The following PLSCR1 variants were observed in gnomAD, a reference collection of about 807,000 sequenced individuals.
PLSCR1 encodes PL scramblase 1.
PLSCR1 carries 17 observed loss-of-function variants against 37.8 expected under a neutral mutation model. That is an observed-to-expected ratio of 0.45 (90% CI 0.31 to 0.68). The LOEUF (loss-of-function observed/expected upper bound fraction) is 0.68. Among genes scored for constraint, PLSCR1 ranks in the 30% least tolerant of loss-of-function variants. The probability of loss-of-function intolerance (pLI) is 0.06; values close to 1 mark genes in which losing one functional copy is unlikely to be tolerated. For missense variants in PLSCR1, 347 were observed against 380.9 expected, an observed-to-expected ratio of 0.91 and a Z score of 0.74; for synonymous variants, 116 against 125.9, an observed-to-expected ratio of 0.92 and a Z score of 0.53.
chr3:146,521,796 A>T (rs917830392), intron 6 of PLSCR1, 37 bp downstream of exon 6: 2 of 1,581,940 alleles, frequency 1.3e-6, no homozygotes, highest in Non-Finnish European at 8.7e-7. Flanking sequence ...TTCTTGCTGA[A>T]CTATTTTACA....
intron 1 of PLSCR1, among the ~76,000 whole-genome samples, chr3:146,537,318 A>T (rs1015483593): frequency 6.6e-6 from 1 of 151,942 alleles, no homozygotes; most frequent in Non-Finnish European, 1.5e-5. Flanking sequence ...TACTTTTTCC[A>T]TCTCCTGTAG....
At chr3:146,529,516 ATT>A (rs111660673) in intron 3 of PLSCR1, among the ~76,000 whole-genome samples, 5 of 141,998 alleles carry the variant, frequency 3.5e-5, no homozygotes, top group Non-Finnish European at 3.1e-5. Context: ...CTTTCTTTCC[ATT>A]TTTTTTTTTT....
At chr3:146,528,349 A>T in intron 4 of PLSCR1, 1 of 467,456 alleles carries the variant, frequency 2.1e-6, no homozygotes, top group Non-Finnish European at 3.9e-6. Context: ...CAGGCATACA[A>T]CAAAGGCAGG....
In PLSCR1 at chr3:146,522,013, C is replaced by A; in HGVS notation, c.396G>T (p.Lys132Asn). 1 of 1,611,892 alleles carries A rather than the reference C, an allele frequency of 6.2e-7. No individual in the cohort carries two copies. Among genetic ancestry groups the A allele is most frequent in the Non-Finnish European group, 8.5e-7 (1 of 1,177,978 alleles). The change falls in exon 6 of 9, where the codon AAG becomes AAT. Residue 132 changes from lysine to asparagine, a missense_variant. Coordinates refer to ENST00000342435, the MANE Select transcript of PLSCR1 (RefSeq NM_021105.3). ...GFETNNKYEI[K>N]NSFGQRVYFA... ...AGTAAACCCTCTGTCCAAAGCTGTT[C>A]TTAATTTCATATTTGTTATTAGTTT...
intron 5 of PLSCR1, 132 bp downstream of exon 5, chr3:146,525,473 A>G: frequency 1.6e-6 from 1 of 606,172 alleles, no homozygotes. Context: ...TGCTGATAAC[A>G]TTTATTATTG....
In PLSCR1 at chr3:146,516,096, G is replaced by T; in HGVS notation, c.906C>A (p.Phe302Leu). 1 of 1,603,170 alleles carries T rather than the reference G, an allele frequency of 6.2e-7. No homozygotes were observed. The highest frequency in any genetic ancestry group is 8.5e-7 in the Non-Finnish European group (1 of 1,171,632). The change falls in exon 9 of 9, where the codon TTC (phenylalanine) becomes TTA (leucine). Residue 302 changes from phenylalanine (F) to leucine (L), a missense_variant. By Grantham distance (22) the Phe-to-Leu change is conservative (BLOSUM62 0). Transcript: ENST00000342435. ...VMIGACFLID[F>L]MFFESTGSQE... ...GGCTGCCAGTGCTTTCAAAAAACAT[G>T]AAGTCCTAGATAAAAACAAAAGTAT...
intron 3 of PLSCR1, among the ~76,000 whole-genome samples, chr3:146,531,564 A>C (rs1242822859): frequency 6.6e-6 from 1 of 152,244 alleles, no homozygotes; most frequent in Non-Finnish European, 1.5e-5. Context: ...TACTCCTCAA[A>C]TCAATGAATT....
intron 5 of PLSCR1, among the ~76,000 whole-genome samples, chr3:146,523,116 C>A (rs758525439): frequency 2.0e-5 from 3 of 152,180 alleles, no homozygotes; most frequent in Non-Finnish European, 4.4e-5. Context: ...GAATGCCAGT[C>A]CCCTGGGCCC....
Position 146,534,242 on chromosome 3 carries a change from C to G in PLSCR1, c.14-692G>C, listed in dbSNP as rs114484685. On this transcript the variant is annotated intron_variant, in intron 2 of 8. Coordinates refer to ENST00000342435, the MANE Select transcript of PLSCR1 (RefSeq NM_021105.3). ...CTAGTCATTCGGTTACCTACCGCAG[C>G]CAGTCTCTAAATATTTACTGAGCAT... 1.0e-2 allele frequency among the ~76,000 whole-genome samples: 1,520 copies of G among 152,240 alleles called. 19 individuals are homozygous for G. Among genetic ancestry groups the G allele is most frequent in the African/African-American group, 0.035 (1,458 of 41,530 alleles).
At chr3:146,543,612 A>G (rs2108682411) in intron 1 of PLSCR1, among the ~76,000 whole-genome samples, 1 of 152,370 alleles carries the variant, frequency 6.6e-6, no homozygotes, top group South Asian at 2.1e-4. Context: ...TTCCAGGAAT[A>G]ACAGTGCATG....
In PLSCR1 at chr3:146,526,370, G is replaced by A. The variant is rs530645618; in HGVS notation, c.313-723C>T. 6.6e-5 allele frequency among the ~76,000 whole-genome samples: 10 copies of A among 151,994 alleles called. No homozygotes were observed. The South Asian group carries it at 2.1e-3, about 32-fold the overall frequency. On this transcript the variant is annotated intron_variant, in intron 4 of 8. Transcript: ENST00000342435. ...AAAAAGACAAAAAATAACAAATAAT[G>A]GTAAAAATGTGGAGAAGGGGAAATC... is the stretch of plus-strand genomic sequence containing the variant.
rs1464572860 is a variant in PLSCR1, at chr3:146,516,227, T to A, written c.901-126A>T. 1.7e-5 allele frequency: 9 copies of A among 545,318 alleles called. No individual in the cohort carries two copies. The South Asian group carries it at 2.5e-4, about 15-fold the overall frequency. 33.8% of individuals were successfully genotyped at this position (545,318 alleles called of 1,614,324 possible). On this transcript the variant is annotated intron_variant, in intron 8 of 8. Transcript: ENST00000342435. Reference sequence around the variant, plus strand: ...AATCTGTTAAAAAAATTAAATGTAATAAGTAAATATACAAAAGCTCTATAA... The same window carrying A: ...AATCTGTTAAAAAAATTAAATGTAAAAAGTAAATATACAAAAGCTCTATAA...
chr3:146,522,110 T>A, intron 5 of PLSCR1, 57 bp from the exon 6 acceptor site: 1 of 998,420 alleles, frequency 1.0e-6, no homozygotes, highest in Non-Finnish European at 1.6e-6. Context: ...ATTGAATTTA[T>A]CCAGATATTA....
At chr3:146,520,839 T>C (rs1398309469) in intron 7 of PLSCR1, among the ~76,000 whole-genome samples, 1 of 152,186 alleles carries the variant, frequency 6.6e-6, no homozygotes, top group African/African-American at 2.4e-5. Flanking sequence ...TTTCTGATTT[T>C]CCAAGAGAAA....
In PLSCR1 at chr3:146,517,016, C is replaced by G. The variant is rs916948032; in HGVS notation, c.890G>C (p.Cys297Ser). Residue 297 changes from cysteine to serine, a missense_variant, in exon 8 of 9, where the codon TGT (cysteine) becomes TCT (serine). By Grantham distance (112) the Cys-to-Ser change is moderately radical (BLOSUM62 -1). Transcript: ENST00000342435. Reference protein sequence around the residue: ...VKMKAVMIGACFLIDFMFFES... With the variant: ...VKMKAVMIGASFLIDFMFFES... The stretch of plus-strand genomic sequence containing the variant: ...TAAGAACAGACTTACAATGAGGAAA[C>G]AGGCACCAATCATTACAGCTTTCAT... The G allele has an allele frequency of 6.3e-7, 1 of 1,588,650 alleles. No individual in the cohort carries two copies. Among genetic ancestry groups the G allele is most frequent in the East Asian group, 2.3e-5 (1 of 43,938 alleles).
chr3:146,529,357 C>T (rs1417757660), intron 3 of PLSCR1, among the ~76,000 whole-genome samples: 4 of 152,124 alleles, frequency 2.6e-5, no homozygotes, highest in Admixed American at 2.6e-4. Context: ...TTGGTCACAA[C>T]TGGAGGGGAA....
chr3:146,537,617 T>C (rs1256455268), intron 1 of PLSCR1, among the ~76,000 whole-genome samples: 2 of 152,154 alleles, frequency 1.3e-5, no homozygotes, highest in East Asian at 3.9e-4. Flanking sequence ...CTTATGCCTA[T>C]AATGCCAGTA....
At chr3:146,531,548 A>G (rs1560087398) in intron 3 of PLSCR1, among the ~76,000 whole-genome samples, 1 of 152,246 alleles carries the variant, frequency 6.6e-6, no homozygotes, top group Non-Finnish European at 1.5e-5. Flanking sequence ...TGAAAGTATG[A>G]TGGATTACTC....
intron 7 of PLSCR1, chr3:146,520,145 C>T (rs1248766641): frequency 6.6e-6 from 1 of 151,960 alleles, no homozygotes; most frequent in Non-Finnish European, 1.5e-5. Flanking sequence ...GACTATTTCT[C>T]AATTCTTTCC....
Sources: gnomAD v4.1 joint callset for allele counts (sites outside exome capture counted in the v4.1 genomes callset) on GRCh38, gnomAD v4.1.1 for gene constraint, MANE v1.5 for transcripts, NCBI Gene and HGNC (gene_info 2026-07-23, HGNC 2026-07-21) for gene names.